CPQ: variants seen among roughly 807,000 people sequenced by gnomAD.
CPQ encodes carboxypeptidase Q.
CPQ carries 37 observed loss-of-function variants against 45.7 expected under a neutral mutation model. That is an observed-to-expected ratio of 0.81 (90% CI 0.62 to 1.07). The LOEUF is 1.07. Ranked by LOEUF, CPQ falls within the 50% of genes least tolerant of loss-of-function variation. The pLI is 0.00. For missense variants in CPQ, 537 were observed against 572.9 expected (o/e 0.94, Z 0.64); for synonymous variants, 186 against 205.8 (o/e 0.90, Z 0.82).
intron 7 of CPQ, among the ~76,000 whole-genome samples, chr8:97,096,100 C>T (rs1811206853): frequency 6.6e-6 from 1 of 152,068 alleles, no homozygotes; most frequent in Admixed American, 6.6e-5. Flanking sequence ...TTATTGAACT[C>T]TATGTCCTAG....
At chr8:97,123,009 T>A (rs1248528321) in intron 7 of CPQ, among the ~76,000 whole-genome samples, 7 of 23,620 alleles carry the variant, frequency 3.0e-4, no homozygotes, top group African/African-American at 4.0e-4. Flanking sequence ...AAATATAAAA[T>A]AAAATAAAAT....
intron 5 of CPQ, among the ~76,000 whole-genome samples, chr8:97,025,102 A>C (rs1324693829): frequency 2.0e-5 from 3 of 152,160 alleles, no homozygotes; most frequent in Non-Finnish European, 1.5e-5. Context: ...GCTGAGGGCC[A>C]AGTTTACTTT....
At chr8:97,089,061 T>A (rs912190281) in intron 7 of CPQ, among the ~76,000 whole-genome samples, 1 of 151,920 alleles carries the variant, frequency 6.6e-6, no homozygotes, top group South Asian at 2.1e-4. Flanking sequence ...CTGACCAACA[T>A]GGAGAAACCC....
chr8:97,080,750 A>G (rs1025819324), intron 7 of CPQ, among the ~76,000 whole-genome samples: 1 of 152,190 alleles, frequency 6.6e-6, no homozygotes, highest in African/African-American at 2.4e-5. Context: ...TTAAAATATG[A>G]CATTTGCTGT....
chr8:96,883,950 GAGTA>G (rs1812265982), intron 4 of CPQ, among the ~76,000 whole-genome samples: 1 of 152,146 alleles, frequency 6.6e-6, no homozygotes, highest in Non-Finnish European at 1.5e-5. Context: ...TAAAATGAAG[GAGTA>G]AGTAAGAAAA....
At chr8:97,103,803 CA>C (rs1811356049) in intron 7 of CPQ, among the ~76,000 whole-genome samples, 1 of 152,172 alleles carries the variant, frequency 6.6e-6, no homozygotes, top group South Asian at 2.1e-4. Context: ...AAGTCACAGG[CA>C]GACAGTGTAG....
chr8:96,693,006 A>G (rs1040058449), intron 1 of CPQ, among the ~76,000 whole-genome samples: 4 of 152,130 alleles, frequency 2.6e-5, no homozygotes, highest in African/African-American at 9.6e-5. Flanking sequence ...ATTAAAAAGA[A>G]TCAAGCAGAA....
chr8:96,939,246 G>T (rs1439322504), intron 4 of CPQ, among the ~76,000 whole-genome samples: 1 of 152,202 alleles, frequency 6.6e-6, no homozygotes, highest in Admixed American at 6.5e-5. Context: ...TAAGGAGCAT[G>T]CATGTGCAGT....
chr8:96,946,275 A>C (rs904298759), intron 4 of CPQ, among the ~76,000 whole-genome samples: 3 of 152,136 alleles, frequency 2.0e-5, no homozygotes, highest in African/African-American at 7.2e-5. Context: ...TTCATTTCCA[A>C]AACAAAATTA....
chr8:96,794,726 T>C (rs1230815602), intron 2 of CPQ, among the ~76,000 whole-genome samples: 3 of 152,200 alleles, frequency 2.0e-5, no homozygotes, highest in African/African-American at 4.8e-5. Flanking sequence ...AGTCACATCT[T>C]GAATGCTTTG....
intron 1 of CPQ, among the ~76,000 whole-genome samples, chr8:96,762,958 A>AT (rs1334477397): frequency 3.3e-5 from 5 of 152,162 alleles, no homozygotes; most frequent in Admixed American, 3.3e-4. Flanking sequence ...ATAGAAATAT[A>AT]TTTTTTCACA....
At position 97,107,125 on chromosome 8, in the gene CPQ, G is replaced by C. The variant is rs919970998; in HGVS notation, c.1256-35895G>C. ...TTTTTTCAAAAAGGCTTAATAGGTAGTGCACTAACATTTATGGGATCCAGG... is the reference window on the plus strand; with the variant it reads ...TTTTTTCAAAAAGGCTTAATAGGTACTGCACTAACATTTATGGGATCCAGG... On this transcript the variant is annotated intron_variant, in intron 7 of 7. Transcript: ENST00000220763. 3.9e-5 allele frequency among the ~76,000 whole-genome samples: 6 copies of C among 152,262 alleles called. 1 individual carries two copies. The South Asian group carries it at 1.2e-3, about 32-fold the overall frequency.
intron 2 of CPQ, among the ~76,000 whole-genome samples, chr8:96,821,913 G>T (rs1478089835): frequency 2.0e-5 from 3 of 151,742 alleles, no homozygotes; most frequent in African/African-American, 7.3e-5. Flanking sequence ...ATTTTTTTGT[G>T]GTGATAACAC....
intron 5 of CPQ, among the ~76,000 whole-genome samples, chr8:97,011,587 A>T (rs2130439898): frequency 6.6e-6 from 1 of 152,336 alleles, no homozygotes; most frequent in East Asian, 1.9e-4. Context: ...AGGCAGTCCT[A>T]GGTTTGAATC....
chr8:96,784,932 T>G lies in CPQ; in HGVS notation c.35T>G (p.Val12Gly), dbSNP rs1299981036. The G allele has an allele frequency of 6.2e-7, 1 of 1,611,150 alleles. No homozygotes were observed. Among genetic ancestry groups the G allele is most frequent in the Admixed American group, 1.7e-5 (1 of 59,332 alleles). ...CTTATCTTCGCATTTTTCGGTGGTGTTCACCTTTTATCCCTGTGCTCTGGG... is the reference window on the plus strand; with the variant it reads ...CTTATCTTCGCATTTTTCGGTGGTGGTCACCTTTTATCCCTGTGCTCTGGG... The part of the protein sequence containing the change: ...KFLIFAFFGG[V>G]HLLSLCSGKA... The change falls in exon 2 of 8, where the codon GTT (valine) becomes GGT (glycine). Residue 12 changes from valine to glycine, a missense_variant. Coordinates refer to ENST00000220763, the MANE Select transcript of CPQ (RefSeq NM_016134.4).
chr8:96,670,205 T>A (rs1358037532), intron 1 of CPQ, among the ~76,000 whole-genome samples: 1 of 152,004 alleles, frequency 6.6e-6, no homozygotes, highest in African/African-American at 2.4e-5. Flanking sequence ...ACCGTGGCAC[T>A]AAATAAACTG....
At chr8:97,110,107 C>T (rs1384995295) in intron 7 of CPQ, among the ~76,000 whole-genome samples, 1 of 152,158 alleles carries the variant, frequency 6.6e-6, no homozygotes, top group Non-Finnish European at 1.5e-5. Flanking sequence ...GCACCCCAGA[C>T]ATTTTCCCAG....
chr8:96,711,509 G>C (rs1242260321), intron 1 of CPQ, among the ~76,000 whole-genome samples: 1 of 152,158 alleles, frequency 6.6e-6, no homozygotes, highest in Non-Finnish European at 1.5e-5. Context: ...TCACAGTTCA[G>C]CATGGCTGGG....
At chr8:96,970,603 G>A (rs971994690) in intron 5 of CPQ, among the ~76,000 whole-genome samples, 9 of 147,444 alleles carry the variant, frequency 6.1e-5, no homozygotes, top group East Asian at 2.0e-4. Context: ...TCGCTCTGTC[G>A]CCCAGGCTGG....
Sources: gnomAD v4.1 joint callset for allele counts (sites outside exome capture counted in the v4.1 genomes callset) on GRCh38, gnomAD v4.1.1 for gene constraint, MANE v1.5 for transcripts, NCBI Gene and HGNC (gene_info 2026-07-23, HGNC 2026-07-21) for gene names.